Variants in ZFR2 observed in about 807,000 individuals in gnomAD.
ZFR2 encodes the protein zinc finger RNA-binding protein 2.
ZFR2 carries 104 observed loss-of-function variants against 105.7 expected under a neutral mutation model. The ratio of observed to expected loss-of-function variants is 0.98; its 90% CI spans 0.84 to 1.16. ZFR2 has a LOEUF of 1.16. Ranked by LOEUF, ZFR2 falls within the 50% of genes most tolerant of loss-of-function variation. The pLI is 0.00. For missense variants in ZFR2, 1,425 were observed against 1,355.5 expected, an observed-to-expected ratio of 1.05 and a Z score of -0.80; for synonymous variants, 634 against 597.7, an observed-to-expected ratio of 1.06 and a Z score of -0.89.
intron 17 of ZFR2, among the ~76,000 whole-genome samples, chr19:3,808,626 T>C (rs1187884140): frequency 6.6e-6 from 1 of 152,250 alleles, no homozygotes; most frequent in Non-Finnish European, 1.5e-5. Context: ...TGTTGTCTCC[T>C]GGGTGGGGGC....
rs2037688182 is a variant in ZFR2 at position 3,805,719 on chromosome 19, T to C, written c.*230A>G. ...GGGGGTCTCACTCTGTTGTCTGGGC[T>C]GGCCTTGAACTCTCAGGCTCAAGCA... is the stretch of plus-strand genomic sequence containing the variant. On this transcript the variant is annotated 3_prime_UTR_variant, in exon 19 of 19. Coordinates refer to ENST00000262961, the MANE Select transcript of ZFR2 (RefSeq NM_015174.2). The C allele has an allele frequency of 2.1e-6, 1 of 467,118 alleles. No homozygotes were observed. Among genetic ancestry groups the C allele is most frequent in the African/African-American group, 2.0e-5 (1 of 49,038 alleles). The allele number at this position is 467,118 out of a possible 1,614,324, so 28.9% of individuals were successfully genotyped here. A position where few individuals can be genotyped will look rare whatever the true frequency, so the allele number is the denominator to read the frequency against.
At chr19:3,810,947 G>C in intron 15 of ZFR2, 102 bp from the exon 16 acceptor site, 1 of 1,295,522 alleles carries the variant, frequency 7.7e-7, no homozygotes, top group Non-Finnish European at 1.1e-6. Context: ...GGATAATAGG[G>C]AGCCTGGCGG....
chr19:3,863,487 G>C (rs573719634), intron 1 of ZFR2, among the ~76,000 whole-genome samples: 2 of 152,236 alleles, frequency 1.3e-5, no homozygotes, highest in Non-Finnish European at 2.9e-5. Context: ...CAGTGCAGTG[G>C]TGCGATCATA....
intron 5 of ZFR2, among the ~76,000 whole-genome samples, chr19:3,829,543 C>T (rs1015778501): frequency 2.0e-5 from 3 of 150,204 alleles, no homozygotes; most frequent in Admixed American, 6.6e-5. Flanking sequence ...CAAAGGGTCT[C>T]GCCCTGTCGC....
At chr19:3,859,642 C>A (rs533541316) in intron 1 of ZFR2, among the ~76,000 whole-genome samples, 217 of 152,348 alleles carry the variant, frequency 1.4e-3, no homozygotes, top group African/African-American at 4.7e-3. Flanking sequence ...CGCAGGGCCT[C>A]AGGGGCCAGA....
At chr19:3,820,140 G>GT in intron 11 of ZFR2, 42 bp downstream of exon 11, 1 of 1,539,436 alleles carries the variant, frequency 6.5e-7, no homozygotes. Context: ...TCCGGGGAGT[G>GT]TGAGGTCGCC....
rs1263983304 is a variant in ZFR2 at position 3,858,027 on chromosome 19, C to T, written c.53+10938G>A. Among the ~76,000 whole-genome samples, 4 of 152,168 alleles carry T rather than the reference C, an allele frequency of 2.6e-5. No individual in the cohort carries two copies. Among genetic ancestry groups the T allele is most frequent in the South Asian group, 2.1e-4 (1 of 4,836 alleles). On this transcript the variant is annotated intron_variant, in intron 1 of 18. Coordinates refer to ENST00000262961, the MANE Select transcript of ZFR2 (RefSeq NM_015174.2). This position sits in a 1 kb window ranked among gnomAD's most constrained non-coding sequence, Gnocchi z 4.3. ...TAATGTCTTTTGATGGCTTTTTGGT[C>T]GGAGAATTTGTTTTGGGAAGTCAAG...
At chr19:3,865,977 G>T (rs1216400950) in intron 1 of ZFR2, among the ~76,000 whole-genome samples, 2 of 152,086 alleles carry the variant, frequency 1.3e-5, no homozygotes, top group Admixed American at 1.3e-4. Flanking sequence ...GAGTAACTGG[G>T]ATTACAGGCG....
chr19:3,835,025 C>G, intron 1 of ZFR2, 42 bp from the exon 2 acceptor site: 1 of 1,571,164 alleles, frequency 6.4e-7, no homozygotes, highest in Non-Finnish European at 8.6e-7. Flanking sequence ...CAGGTTAGAG[C>G]GAGTTCTCAG....
At chr19:3,846,165 C>T (rs957742078) in intron 1 of ZFR2, among the ~76,000 whole-genome samples, 6 of 152,164 alleles carry the variant, frequency 3.9e-5, no homozygotes, top group African/African-American at 7.2e-5. Context: ...TTAATAAAGA[C>T]GGGGTTTCAC....
At chr19:3,867,070 G>A (rs1002731666) in intron 1 of ZFR2, among the ~76,000 whole-genome samples, 3 of 152,080 alleles carry the variant, frequency 2.0e-5, no homozygotes, top group African/African-American at 7.2e-5. Context: ...CGGCACTGCC[G>A]CTCCACCGCG....
chr19:3,856,133 A>G (rs1487454037), intron 1 of ZFR2, among the ~76,000 whole-genome samples: 2 of 152,094 alleles, frequency 1.3e-5, no homozygotes, highest in African/African-American at 4.8e-5. Context: ...AGGTCAGAAG[A>G]AGGAAAGGAG....
chr19:3,867,306 G>GGC (rs1555762890), intron 1 of ZFR2, among the ~76,000 whole-genome samples: 1 of 150,872 alleles, frequency 6.6e-6, no homozygotes, highest in African/African-American at 2.4e-5. Flanking sequence ...TCAACTGTTG[G>GGC]GGGGGGAATC....
At chr19:3,822,235 C>A in intron 8 of ZFR2, 35 bp from the exon 9 acceptor site, 1 of 1,552,782 alleles carries the variant, frequency 6.4e-7, no homozygotes, top group Non-Finnish European at 8.7e-7. Flanking sequence ...GCACCAGGCA[C>A]GAGGCGGGGT....
intron 5 of ZFR2, among the ~76,000 whole-genome samples, chr19:3,828,643 C>T (rs931369352): frequency 6.6e-6 from 1 of 152,182 alleles, no homozygotes; most frequent in Non-Finnish European, 1.5e-5. Context: ...TATCTGATTG[C>T]GTCTGGGGAA....
rs374253802 is a variant in ZFR2, at chr19:3,831,782, G to A, written c.476C>T (p.Ala159Val). ...GGTGTATCCCGAGGACAAGGTGCTC[G>A]CTGGCTGTCCGGACTCCACTATGGG... Reference protein sequence around the residue: ...QAPIVESGQPASTLSSGYTYP... With the variant: ...QAPIVESGQPVSTLSSGYTYP... The change falls in exon 4 of 19, where the codon GCG becomes GTG. Residue 159 changes from alanine to valine, a missense_variant. Transcript: ENST00000262961. 6.2e-6 allele frequency: 10 copies of A among 1,610,296 alleles called. No individual in the cohort carries two copies. The highest frequency in any genetic ancestry group is 1.3e-5 in the African/African-American group (1 of 74,996).
intron 18 of ZFR2, 64 bp downstream of exon 18, chr19:3,807,108 C>T: frequency 1.6e-6 from 2 of 1,279,824 alleles, no homozygotes; most frequent in Non-Finnish European, 2.2e-6. Context: ...TCGGGGAACA[C>T]TGCACAGCTG....
chr19:3,825,731 C>T (rs2037942177), intron 6 of ZFR2, among the ~76,000 whole-genome samples: 1 of 152,166 alleles, frequency 6.6e-6, no homozygotes, highest in African/African-American at 2.4e-5. Flanking sequence ...GGCCGTTTCT[C>T]AGCCTCCCAA....
At chr19:3,820,493 C>T (rs1371212291) in intron 10 of ZFR2, among the ~76,000 whole-genome samples, 1 of 152,212 alleles carries the variant, frequency 6.6e-6, no homozygotes, top group East Asian at 1.9e-4. Context: ...CAGCCAAAGA[C>T]ACCCCTTAGG....
Sources: gnomAD v4.1 joint callset for allele counts (sites outside exome capture counted in the v4.1 genomes callset) on GRCh38, gnomAD v4.1.1 for gene constraint, Gnocchi (gnomAD v3.1) non-coding constraint, MANE v1.5 for transcripts, NCBI Gene and HGNC (gene_info 2026-07-23, HGNC 2026-07-21) for gene names.